The following EXOSC6 variants were observed in gnomAD, a reference collection of about 807,000 sequenced individuals.
EXOSC6 encodes exosome complex component MTR3.
In EXOSC6, 21 loss-of-function variants were observed where a neutral mutation model predicts 16.7. That is an observed-to-expected ratio of 1.26 (90% confidence interval 0.89 to 1.82). The LOEUF (loss-of-function observed/expected upper bound fraction) is 1.82, where lower values mean the gene tolerates loss of function less well. Ranked by LOEUF, EXOSC6 falls within the 40% of genes most tolerant of loss-of-function variation. The pLI is 0.00. For synonymous variants in EXOSC6, 297 were observed against 217.1 expected (o/e 1.37, Z -3.24); for missense variants, 538 against 415.7 (o/e 1.29, Z -2.56).
rs554682317 is a variant in EXOSC6, at chr16:70,250,713, G to C, written c.*369C>G. On this transcript the variant is annotated 3_prime_UTR_variant, in exon 1 of 1. Transcript: ENST00000435634. The stretch of plus-strand genomic sequence containing the variant: ...AGAAAGAAAGAAGAAAAGAAAATTA[G>C]CCAGGTGTGGTTGCATGCACCTGTA... 2 of 215,370 alleles carry C rather than the reference G, an allele frequency of 9.3e-6. No individual in the cohort carries two copies. Among genetic ancestry groups the C allele is most frequent in the Non-Finnish European group, 1.8e-5 (2 of 111,316 alleles). 13.3% of individuals were successfully genotyped at this position (215,370 alleles called of 1,614,324 possible).
At position 70,251,376 on chromosome 16, in the gene EXOSC6, C is replaced by A. The variant is rs1959814814; in HGVS notation, c.525G>T (p.Glu175Asp). ...AALALADAGV[E>D]MYDLVVGCGL... ...CGCAGCCCACCACCAGGTCGTACAT[C>A]TCCACGCCCGCGTCGGCCAGGGCGA... is the stretch of plus-strand genomic sequence containing the variant. The change falls in exon 1 of 1, where the codon GAG becomes GAT. Residue 175 changes from glutamate to aspartate, a missense_variant. By Grantham distance (45) the Glu-to-Asp change is conservative (BLOSUM62 2). Transcript: ENST00000435634. 7.3e-7 allele frequency: 1 copy of A among 1,365,976 alleles called. No homozygotes were observed. The highest frequency in any genetic ancestry group is 3.1e-5 in the East Asian group (1 of 32,270). 84.6% of individuals were successfully genotyped at this position (1,365,976 alleles called of 1,614,324 possible).
chr16:70,251,740 T>C lies in EXOSC6; in HGVS notation c.161A>G (p.Tyr54Cys). Residue 54 changes from tyrosine (Y) to cysteine (C), a missense_variant, in exon 1 of 1, where the codon TAC becomes TGC. Tyr to Cys is a radical substitution (Grantham distance 194). Coordinates refer to ENST00000435634, the MANE Select transcript of EXOSC6 (RefSeq NM_058219.3). ...CACCTTGGTGCCTCCCGCCTCCAGG[T>C]AGGCCGAGCCCTTGGCCTGGCTCAG... ...GLLSQAKGSA[Y>C]LEAGGTKVLC... 8 of 1,402,992 alleles carry C rather than the reference T, an allele frequency of 5.7e-6. No homozygotes were observed. Among genetic ancestry groups the C allele is most frequent in the South Asian group, 1.5e-5 (1 of 64,606 alleles). 86.9% of individuals were successfully genotyped at this position (1,402,992 alleles called of 1,614,324 possible). A position where few individuals can be genotyped will look rare whatever the true frequency, so the allele number is the denominator to read the frequency against.
rs754490384 is a variant in EXOSC6, at chr16:70,251,041, A to T, written c.*41T>A. On this transcript the variant is annotated 3_prime_UTR_variant, in exon 1 of 1. Transcript: ENST00000435634. Reference sequence around the variant, plus strand: ...GGGTCTTTTCGTGGACGGCGGCAGCACGGTCCTCGGCTTGCGTCCGTAGTT... The same window carrying T: ...GGGTCTTTTCGTGGACGGCGGCAGCTCGGTCCTCGGCTTGCGTCCGTAGTT... 1.4e-6 allele frequency: 2 copies of T among 1,431,090 alleles called. No homozygotes were observed. The highest frequency in any genetic ancestry group is 3.0e-5 in the South Asian group (2 of 67,052). 88.6% of individuals were successfully genotyped at this position (1,431,090 alleles called of 1,614,324 possible).
chr16:70,251,399 C>A lies in EXOSC6; in HGVS notation c.502G>T (p.Ala168Ser), dbSNP rs1262826993. The change falls in exon 1 of 1, where the codon GCC becomes TCC. Residue 168 changes from alanine (A) to serine (S), a missense_variant. By Grantham distance (99) the Ala-to-Ser change is moderately conservative. Transcript: ENST00000435634. ...LAAALTAAALALADAGVEMYD... is the reference protein window; with the variant it reads ...LAAALTAAALSLADAGVEMYD... ...ATCTCCACGCCCGCGTCGGCCAGGG[C>A]GAGCGCGGCGGCGGTGAGCGCGGCG... 54 of 1,343,722 alleles carry A rather than the reference C, an allele frequency of 4.0e-5. No homozygotes were observed. The highest frequency in any genetic ancestry group is 4.8e-5 in the Non-Finnish European group (51 of 1,054,292). 83.2% of individuals were successfully genotyped at this position (1,343,722 alleles called of 1,614,324 possible).
rs1448284670 is a variant in EXOSC6 at position 70,247,645 on chromosome 16, T to C, written c.*3437A>G. 2 of 152,186 alleles carry C rather than the reference T, an allele frequency of 1.3e-5. No individual in the cohort carries two copies. Among genetic ancestry groups the C allele is most frequent in the Non-Finnish European group, 2.9e-5 (2 of 68,032 alleles). The allele number at this position is 152,186 out of a possible 1,614,324, so 9.4% of individuals were successfully genotyped here. On this transcript the variant is annotated 3_prime_UTR_variant, in exon 1 of 1. Coordinates refer to ENST00000435634, the MANE Select transcript of EXOSC6 (RefSeq NM_058219.3). ...AATAAATATATGGCAAAAATAATAA[T>C]TGTCATTCCATTGAAAGAATATTTA...
chr16:70,246,799 TTTA>T lies in EXOSC6; in HGVS notation c.*4280_*4282del. On this transcript the variant is annotated 3_prime_UTR_variant, in exon 1 of 1. Coordinates refer to ENST00000435634, the MANE Select transcript of EXOSC6 (RefSeq NM_058219.3). ...TACATTTCTGACAACAATGAAATAG[TTTA>T]TTTTCTTCAAATATTTTAAGGTACG... The T allele has an allele frequency of 1.7e-6, 1 of 586,090 alleles. No individual in the cohort carries two copies. Among genetic ancestry groups the T allele is most frequent in the Non-Finnish European group, 3.0e-6 (1 of 334,958 alleles). The allele number at this position is 586,090 out of a possible 1,614,324, so 36.3% of individuals were successfully genotyped here.
rs545217754 is a variant in EXOSC6, at chr16:70,249,524, C to G, written c.*1558G>C. The G allele has an allele frequency of 1.3e-4, 20 of 152,224 alleles. No individual in the cohort carries two copies. Among genetic ancestry groups the G allele is most frequent in the Admixed American group, 1.2e-3 (18 of 15,290 alleles). The allele number at this position is 152,224 out of a possible 1,614,324, so 9.4% of individuals were successfully genotyped here. A position where few individuals can be genotyped will look rare whatever the true frequency, so the allele number is the denominator to read the frequency against. The stretch of plus-strand genomic sequence containing the variant: ...GGAATAAGAATTTGGGGCACGTTAG[C>G]AAACCAAAAGGCTCAGAAAGACGTC... On this transcript the variant is annotated 3_prime_UTR_variant, in exon 1 of 1. Coordinates refer to ENST00000435634, the MANE Select transcript of EXOSC6 (RefSeq NM_058219.3).
Position 70,251,817 on chromosome 16 carries a change from G to A in EXOSC6, c.84C>T (p.Pro28=), listed in dbSNP as rs772828808. 9.8e-6 allele frequency: 15 copies of A among 1,528,154 alleles called. No individual in the cohort carries two copies. Among genetic ancestry groups the A allele is most frequent in the Middle Eastern group, 2.0e-4 (1 of 4,900 alleles). The allele number at this position is 1,528,154 out of a possible 1,614,324, so 94.7% of individuals were successfully genotyped here. A position where few individuals can be genotyped will look rare whatever the true frequency, so the allele number is the denominator to read the frequency against. The change falls in exon 1 of 1, where the codon CCC becomes CCT. Residue 28 remains proline (P), a synonymous_variant. Transcript: ENST00000435634. The part of the protein sequence containing the change: ...QLYAADEEEA[P]GTRDPTRLRP... ...GTAGCCGCGTTGGGTCGCGGGTGCC[G>A]GGCGCCTCCTCCTCGTCGGCCGCGT...
rs1959774757 is a variant in EXOSC6, at chr16:70,250,168, A to G, written c.*914T>C. Reference sequence around the variant, plus strand: ...ATGGTTTTATATATATGCATACACAAGCAAAGCCAGAAGAGAATAAATAGC... The same window carrying G: ...ATGGTTTTATATATATGCATACACAGGCAAAGCCAGAAGAGAATAAATAGC... On this transcript the variant is annotated 3_prime_UTR_variant, in exon 1 of 1. Coordinates refer to ENST00000435634, the MANE Select transcript of EXOSC6 (RefSeq NM_058219.3). The G allele has an allele frequency of 6.6e-6, 1 of 152,120 alleles. No homozygotes were observed. The allele number at this position is 152,120 out of a possible 1,614,324, so 9.4% of individuals were successfully genotyped here. A position where few individuals can be genotyped will look rare whatever the true frequency, so the allele number is the denominator to read the frequency against.
chr16:70,247,296 G>C lies in EXOSC6; in HGVS notation c.*3786C>G, dbSNP rs2152147190. ...TACTGAAAATATTTCACTCCACTAA[G>C]ATGTTAAGCTAAAAACAAATACTGT... On this transcript the variant is annotated 3_prime_UTR_variant, in exon 1 of 1. Transcript: ENST00000435634. 6.5e-6 allele frequency: 1 copy of C among 154,550 alleles called. No homozygotes were observed. Among genetic ancestry groups the C allele is most frequent in the Middle Eastern group, 3.3e-3 (1 of 302 alleles). 9.6% of individuals were successfully genotyped at this position (154,550 alleles called of 1,614,324 possible). A position where few individuals can be genotyped will look rare whatever the true frequency, so the allele number is the denominator to read the frequency against.
rs2152147563 is a variant in EXOSC6 at position 70,248,965 on chromosome 16, C to CT, written c.*2116dup. The CT allele has an allele frequency of 6.9e-6, 1 of 144,314 alleles. No homozygotes were observed. The highest frequency in any genetic ancestry group is 2.0e-4 in the East Asian group (1 of 4,960). The allele number at this position is 144,314 out of a possible 1,614,324, so 8.9% of individuals were successfully genotyped here. Reference sequence around the variant, plus strand: ...AAAAAGAGAACACTCCTTATATTTCCTTTATATTTTGTAAACTACATACCC... The same window carrying CT: ...AAAAAGAGAACACTCCTTATATTTCCTTTTATATTTTGTAAACTACATACCC... On this transcript the variant is annotated 3_prime_UTR_variant, in exon 1 of 1. Transcript: ENST00000435634.
rs1013413204 is a variant in EXOSC6, at chr16:70,246,975, A to G, written c.*4107T>C. The G allele has an allele frequency of 2.5e-5, 13 of 525,470 alleles. No homozygotes were observed. The highest frequency in any genetic ancestry group is 1.0e-4 in the Admixed American group (5 of 48,620). 32.6% of individuals were successfully genotyped at this position (525,470 alleles called of 1,614,324 possible). A position where few individuals can be genotyped will look rare whatever the true frequency, so the allele number is the denominator to read the frequency against. On this transcript the variant is annotated 3_prime_UTR_variant, in exon 1 of 1. Transcript: ENST00000435634. ...CCTCACCCCATGATCTGAAAAGCGAAATGAGGAATTCACCCTAAAATTAGT... is the reference window on the plus strand; with the variant it reads ...CCTCACCCCATGATCTGAAAAGCGAGATGAGGAATTCACCCTAAAATTAGT...
Position 70,249,518 on chromosome 16 carries a change from C to T in EXOSC6, c.*1564G>A, listed in dbSNP as rs145683932. ...CCGTTTGGAATAAGAATTTGGGGCA[C>T]GTTAGCAAACCAAAAGGCTCAGAAA... On this transcript the variant is annotated 3_prime_UTR_variant, in exon 1 of 1. Coordinates refer to ENST00000435634, the MANE Select transcript of EXOSC6 (RefSeq NM_058219.3). 3.3e-5 allele frequency: 5 copies of T among 152,102 alleles called. No homozygotes were observed. Among genetic ancestry groups the T allele is most frequent in the African/African-American group, 9.7e-5 (4 of 41,420 alleles). 9.4% of individuals were successfully genotyped at this position (152,102 alleles called of 1,614,324 possible).
rs1567597739 is a variant in EXOSC6 at position 70,247,754 on chromosome 16, T to G, written c.*3328A>C. The G allele has an allele frequency of 6.6e-6, 1 of 152,146 alleles. No homozygotes were observed. Among genetic ancestry groups the G allele is most frequent in the African/African-American group, 2.4e-5 (1 of 41,432 alleles). 9.4% of individuals were successfully genotyped at this position (152,146 alleles called of 1,614,324 possible). A position where few individuals can be genotyped will look rare whatever the true frequency, so the allele number is the denominator to read the frequency against. On this transcript the variant is annotated 3_prime_UTR_variant, in exon 1 of 1. Transcript: ENST00000435634. ...CAATCTTATAAAAGAAATGCTAGAA[T>G]CAGAAAACCATCATTTTAGGCTGGG... is the stretch of plus-strand genomic sequence containing the variant.
In EXOSC6 at chr16:70,251,803, G is replaced by C. The variant is rs768916853; in HGVS notation, c.98C>G (p.Pro33Arg). ...CGCGTACACGGGCCGTAGCCGCGTT[G>C]GGTCGCGGGTGCCGGGCGCCTCCTC... is the stretch of plus-strand genomic sequence containing the variant. ...DEEEAPGTRD[P>R]TRLRPVYARA... The change falls in exon 1 of 1, where the codon CCA becomes CGA. Residue 33 changes from proline to arginine, a missense_variant. Transcript: ENST00000435634. 14 of 1,514,034 alleles carry C rather than the reference G, an allele frequency of 9.2e-6. No homozygotes were observed. The highest frequency in any genetic ancestry group is 1.1e-5 in the Non-Finnish European group (13 of 1,141,246). The allele number at this position is 1,514,034 out of a possible 1,614,324, so 93.8% of individuals were successfully genotyped here. A position where few individuals can be genotyped will look rare whatever the true frequency, so the allele number is the denominator to read the frequency against.
rs1959835253 is a variant in EXOSC6 at position 70,251,864 on chromosome 16, C to T, written c.37G>A (p.Glu13Lys). 5 of 1,552,478 alleles carry T rather than the reference C, an allele frequency of 3.2e-6. No homozygotes were observed. Among genetic ancestry groups the T allele is most frequent in the Non-Finnish European group, 4.3e-6 (5 of 1,159,796 alleles). The change falls in exon 1 of 1, where the codon GAA becomes AAA. Residue 13 changes from glutamate (E) to lysine (K), a missense_variant. Physicochemically the swap from Glu to Lys is moderately conservative, Grantham distance 56. Transcript: ENST00000435634. ...GCGTACAGCTGCGGCGGCTGCGATT[C>T]TTCAGGGCCGCGGATGCGGCGGTGA... is the stretch of plus-strand genomic sequence containing the variant. ...GDHRRIRGPE[E>K]SQPPQLYAAD...
chr16:70,251,835 G>C lies in EXOSC6; in HGVS notation c.66C>G (p.Ala22=), dbSNP rs752527501. The change falls in exon 1 of 1, where the codon GCC becomes GCG. Residue 22 remains alanine, a synonymous_variant. Transcript: ENST00000435634. ...GGGTGCCGGGCGCCTCCTCCTCGTC[G>C]GCCGCGTACAGCTGCGGCGGCTGCG... ...EESQPPQLYA[A]DEEEAPGTRD... 1.3e-6 allele frequency: 2 copies of C among 1,544,676 alleles called. No homozygotes were observed. The highest frequency in any genetic ancestry group is 1.7e-6 in the Non-Finnish European group (2 of 1,156,236).
chr16:70,251,435 A>G lies in EXOSC6; in HGVS notation c.466T>C (p.Ser156Pro). The stretch of plus-strand genomic sequence containing the variant: ...GCGGTGAGCGCGGCGGCCAGGGCCG[A>G]GCCACCGTCCTCCAGCAGCAGCGCC... ...VSALLLEDGG[S>P]ALAAALTAAA... Residue 156 changes from serine to proline, a missense_variant, in exon 1 of 1, where the codon TCG becomes CCG. Ser to Pro is a moderately conservative substitution (Grantham distance 74). Transcript: ENST00000435634. 7.4e-7 allele frequency: 1 copy of G among 1,347,642 alleles called. No homozygotes were observed. Among genetic ancestry groups the G allele is most frequent in the Non-Finnish European group, 9.5e-7 (1 of 1,052,786 alleles). 83.5% of individuals were successfully genotyped at this position (1,347,642 alleles called of 1,614,324 possible).
Position 70,251,364 on chromosome 16 carries a change from C to T in EXOSC6, c.537G>A (p.Leu179=). 1 of 1,382,256 alleles carries T rather than the reference C, an allele frequency of 7.2e-7. No homozygotes were observed. Among genetic ancestry groups the T allele is most frequent in the Non-Finnish European group, 9.3e-7 (1 of 1,073,722 alleles). 85.6% of individuals were successfully genotyped at this position (1,382,256 alleles called of 1,614,324 possible). The change falls in exon 1 of 1, where the codon CTG becomes CTA. Residue 179 remains leucine (L), a synonymous_variant. Transcript: ENST00000435634. The part of the protein sequence containing the change: ...LADAGVEMYD[L]VVGCGLSLAP... The stretch of plus-strand genomic sequence containing the variant: ...CGAGGCTGAGGCCGCAGCCCACCAC[C>T]AGGTCGTACATCTCCACGCCCGCGT...
Sources: allele counts gnomAD v4.1 joint callset, GRCh38; gene constraint gnomAD v4.1.1; transcripts MANE v1.5; gene names NCBI Gene and HGNC (gene_info 2026-07-23, HGNC 2026-07-21).